MYO5C: variants seen among roughly 807,000 people sequenced by gnomAD.
The protein encoded by MYO5C is unconventional myosin-Vc.
Under a neutral mutation model 235.7 loss-of-function variants are expected in MYO5C, and 194 were observed. The observed-to-expected ratio is 0.82, with a 90% CI of 0.73 to 0.93. MYO5C has a LOEUF of 0.93. Among genes scored for constraint, MYO5C ranks in the 40% least tolerant of loss-of-function variants. The probability of loss-of-function intolerance (pLI) is 0.00; values close to 1 mark genes in which losing one functional copy is unlikely to be tolerated. For missense variants in MYO5C, 2,038 were observed against 2,127.2 expected (o/e 0.96, Z 0.82); for synonymous variants, 707 against 754.8 (o/e 0.94, Z 1.04).
chr15:52,237,808 A>G (rs2141313424), intron 21 of MYO5C, among the ~76,000 whole-genome samples, 162 bp from the exon 22 acceptor site: 1 of 152,232 alleles, frequency 6.6e-6, no homozygotes, highest in South Asian at 2.1e-4. Context: ...CTTTGTGGTG[A>G]AACAGTATGG....
chr15:52,248,233 C>G (rs1208564304), intron 14 of MYO5C, among the ~76,000 whole-genome samples: 1 of 152,164 alleles, frequency 6.6e-6, no homozygotes, highest in Non-Finnish European at 1.5e-5. Context: ...GCCTCTATCT[C>G]CCAGGGCCAA....
chr15:52,277,570 A>G (rs959233688), intron 4 of MYO5C, among the ~76,000 whole-genome samples: 2 of 152,114 alleles, frequency 1.3e-5, no homozygotes, highest in Non-Finnish European at 2.9e-5. Flanking sequence ...CAGCCTCCCT[A>G]TGTGAGTGAG....
chr15:52,235,888 T>A, intron 22 of MYO5C, 125 bp from the exon 23 acceptor site: 1 of 606,758 alleles, frequency 1.6e-6, no homozygotes, highest in Non-Finnish European at 2.8e-6. Context: ...CTCCTGTCTA[T>A]AGATAACAGC....
At chr15:52,219,892 T>C (rs1263200404) in intron 30 of MYO5C, 70 bp from the exon 31 acceptor site, 7 of 1,269,408 alleles carry the variant, frequency 5.5e-6, no homozygotes, top group Admixed American at 3.8e-5. Flanking sequence ...GGTTTGGTAT[T>C]ATTTTCAATT....
intron 1 of MYO5C, among the ~76,000 whole-genome samples, chr15:52,288,840 T>C (rs1213573701): frequency 1.3e-5 from 2 of 152,114 alleles, no homozygotes; most frequent in African/African-American, 2.4e-5. Flanking sequence ...GCCCTCCCCA[T>C]GCCAAGGCGC....
intron 21 of MYO5C, among the ~76,000 whole-genome samples, chr15:52,238,723 G>A (rs1307651520): frequency 6.8e-6 from 1 of 147,172 alleles, no homozygotes; most frequent in Non-Finnish European, 1.5e-5. Flanking sequence ...CTCACTGCAA[G>A]CTCCGCCTCC....
At position 52,235,710 on chromosome 15, in the gene MYO5C, T is replaced by A; in HGVS notation, c.2922A>T (p.Gln974His). 2 of 1,612,914 alleles carry A rather than the reference T, an allele frequency of 1.2e-6. No individual in the cohort carries two copies. Among genetic ancestry groups the A allele is most frequent in the South Asian group, 1.1e-5 (1 of 90,672 alleles). The change falls in exon 23 of 41, where the codon CAA becomes CAT. Residue 974 changes from glutamine to histidine, a missense_variant. Coordinates refer to ENST00000261839, the MANE Select transcript of MYO5C (RefSeq NM_018728.4). ...HNSELETQKEQIQLKLQEKTE... is the reference protein window; with the variant it reads ...HNSELETQKEHIQLKLQEKTE... ...TCTTCTCTTGAAGCTTCAGCTGTAT[T>A]TGTTCTTTCTGTGTTTCCAGTTCTG...
intron 31 of MYO5C, 109 bp from the exon 32 acceptor site, chr15:52,218,796 A>G (rs1194775376): frequency 2.8e-5 from 32 of 1,127,032 alleles, no homozygotes; most frequent in Non-Finnish European, 3.9e-5. Context: ...CACCTTGGCC[A>G]ATTTCTGTGT....
At chr15:52,258,653 A>AG (rs771961101) in intron 10 of MYO5C, among the ~76,000 whole-genome samples, 1 of 152,162 alleles carries the variant, frequency 6.6e-6, no homozygotes, top group Non-Finnish European at 1.5e-5. Flanking sequence ...AGGCTGCTGG[A>AG]GGGGGCGGGA....
In MYO5C at chr15:52,225,008, C is replaced by G; in HGVS notation, c.3366-27G>C. 1.9e-6 allele frequency: 3 copies of G among 1,613,424 alleles called. No homozygotes were observed. In the South Asian group the frequency reaches 3.3e-5, roughly 18 times the overall value. ...TGCAAAATAAGGAAGATAAGAAAATCTATCATCTCTGTCACGTTTTACATG... is the reference window on the plus strand; with the variant it reads ...TGCAAAATAAGGAAGATAAGAAAATGTATCATCTCTGTCACGTTTTACATG... On this transcript the variant is annotated intron_variant, in intron 27 of 40. Transcript: ENST00000261839.
intron 24 of MYO5C, among the ~76,000 whole-genome samples, chr15:52,231,217 A>G (rs987764449): frequency 6.6e-6 from 1 of 152,174 alleles, no homozygotes; most frequent in Non-Finnish European, 1.5e-5. Context: ...GAGCCTCCTG[A>G]GAATTTTGAC....
intron 34 of MYO5C, among the ~76,000 whole-genome samples, chr15:52,212,564 A>G (rs1038180477): frequency 4.6e-5 from 7 of 152,140 alleles, no homozygotes; most frequent in Non-Finnish European, 1.0e-4. Flanking sequence ...TTCTGTTTTG[A>G]GATCTTGGGG....
At chr15:52,257,482 T>C (rs528090215) in intron 10 of MYO5C, among the ~76,000 whole-genome samples, 2 of 152,234 alleles carry the variant, frequency 1.3e-5, no homozygotes, top group Non-Finnish European at 2.9e-5. Flanking sequence ...TTAAGAAAAG[T>C]CAGAAAACTG....
chr15:52,275,119 T>C (rs1300588571), intron 5 of MYO5C, among the ~76,000 whole-genome samples: 1 of 152,240 alleles, frequency 6.6e-6, no homozygotes, highest in Non-Finnish European at 1.5e-5. Context: ...TCTTGACATG[T>C]GGCCTCTGCC....
In MYO5C at chr15:52,248,752, T is replaced by C; in HGVS notation, c.1694A>G (p.Lys565Arg). 1 of 1,614,160 alleles carries C rather than the reference T, an allele frequency of 6.2e-7. No homozygotes were observed. Among genetic ancestry groups the C allele is most frequent in the Non-Finnish European group, 8.5e-7 (1 of 1,179,990 alleles). The stretch of plus-strand genomic sequence containing the variant: ...CATGTCATAGACGGTGTCTCTGTTT[T>C]TCTCCAGGAAACCTTCACATTTATA... ...VEYKCEGFLE[K>R]NRDTVYDMLV... The change falls in exon 14 of 41, where the codon AAA (lysine) becomes AGA (arginine). Residue 565 changes from lysine to arginine, a missense_variant. Transcript: ENST00000261839.
chr15:52,215,947 C>T (rs965078721), intron 32 of MYO5C, among the ~76,000 whole-genome samples: 4 of 152,050 alleles, frequency 2.6e-5, no homozygotes, highest in African/African-American at 9.7e-5. Flanking sequence ...CTTTGGGTTG[C>T]TTTTTTTCTC....
Position 52,225,157 on chromosome 15 carries a change from G to C in MYO5C, c.3302-19C>G. On this transcript the variant is annotated intron_variant, in intron 26 of 40. Coordinates refer to ENST00000261839, the MANE Select transcript of MYO5C (RefSeq NM_018728.4). ...ATCTTTTCTGAAAGGGAAAGGCAGAGTTGTATATATTACATTTGTGGATGA... is the reference window on the plus strand; with the variant it reads ...ATCTTTTCTGAAAGGGAAAGGCAGACTTGTATATATTACATTTGTGGATGA... 6.2e-7 allele frequency: 1 copy of C among 1,613,004 alleles called. No homozygotes were observed. Among genetic ancestry groups the C allele is most frequent in the Non-Finnish European group, 8.5e-7 (1 of 1,179,340 alleles).
intron 14 of MYO5C, among the ~76,000 whole-genome samples, chr15:52,248,407 A>G (rs1279649921): frequency 6.6e-6 from 1 of 152,138 alleles, no homozygotes; most frequent in Non-Finnish European, 1.5e-5. Flanking sequence ...CTGCCTCCCA[A>G]AATGCGGGGA....
chr15:52,238,790 C>T (rs564303946), intron 21 of MYO5C, among the ~76,000 whole-genome samples: 71 of 151,574 alleles, frequency 4.7e-4, no homozygotes, highest in Non-Finnish European at 9.1e-4. Flanking sequence ...TACAGGCGCC[C>T]GCCACCACGC....
Sources: gnomAD v4.1 joint callset for allele counts (sites outside exome capture counted in the v4.1 genomes callset) on GRCh38, gnomAD v4.1.1 for gene constraint, MANE v1.5 for transcripts, NCBI Gene and HGNC (gene_info 2026-07-23, HGNC 2026-07-21) for gene names.